ANO3: variants seen among roughly 807,000 people sequenced by gnomAD.
ANO3 encodes the protein anoctamin-3.
A neutral mutation model predicts 144.8 loss-of-function variants in ANO3; 99 were observed. That is an observed-to-expected ratio of 0.68 (90% CI 0.58 to 0.81). The LOEUF is 0.81. Among genes scored for constraint, ANO3 ranks in the 30% least tolerant of loss-of-function variants. The probability of loss-of-function intolerance (pLI) is 0.00; values close to 1 mark genes in which losing one functional copy is unlikely to be tolerated. For synonymous variants in ANO3, 414 were observed against 392.6 expected, an observed-to-expected ratio of 1.05 and a Z score of -0.64; for missense variants, 905 against 1,202.2, an observed-to-expected ratio of 0.75 and a Z score of 3.66.
chr11:26,230,535 G>A (rs556624078), intron 1 of ANO3, among the ~76,000 whole-genome samples: 6 of 151,890 alleles, frequency 4.0e-5, no homozygotes, highest in Admixed American at 1.3e-4. Context: ...GGTAGCTCAC[G>A]CCTGTAATCC....
intron 4 of ANO3, chr11:26,473,849 A>G (rs955373936): frequency 1.1e-6 from 1 of 883,844 alleles, no homozygotes; most frequent in Non-Finnish European, 1.4e-6. Flanking sequence ...CCTAAAATGA[A>G]ATTAATAAAA....
rs537656775 is a variant in ANO3, at chr11:26,225,780, A to G, written c.154+36450A>G. Among the ~76,000 whole-genome samples, 4 of 152,242 alleles carry G rather than the reference A, an allele frequency of 2.6e-5. No individual in the cohort carries two copies. The South Asian group carries it at 8.3e-4, about 32-fold the overall frequency. On this transcript the variant is annotated intron_variant, in intron 1 of 27. Transcript: ENST00000672621. Reference sequence around the variant, plus strand: ...TACTTTTCAAACATTTTTCTTCTCTAAGCACAAACTTCTGGAGTGAAGCAA... The same window carrying G: ...TACTTTTCAAACATTTTTCTTCTCTGAGCACAAACTTCTGGAGTGAAGCAA...
intron 1 of ANO3, among the ~76,000 whole-genome samples, chr11:26,399,828 C>T (rs1323662380): frequency 6.6e-6 from 1 of 151,950 alleles, no homozygotes; most frequent in Non-Finnish European, 1.5e-5. Context: ...GTCTTTCTCC[C>T]TGCCCTTTGT....
At chr11:26,233,647 G>C (rs1389538268) in intron 1 of ANO3, among the ~76,000 whole-genome samples, 1 of 152,154 alleles carries the variant, frequency 6.6e-6, no homozygotes, top group South Asian at 2.1e-4. Context: ...GCACACATAT[G>C]TTTATTGAAG....
At chr11:26,361,792 A>G (rs1239873609) in intron 1 of ANO3, among the ~76,000 whole-genome samples, 1 of 152,174 alleles carries the variant, frequency 6.6e-6, no homozygotes, top group East Asian at 1.9e-4. Context: ...TCTTTATTTA[A>G]GATTGTTACC....
chr11:26,621,221 A>G (rs1294319736), intron 17 of ANO3, among the ~76,000 whole-genome samples: 2 of 152,142 alleles, frequency 1.3e-5, no homozygotes, highest in African/African-American at 4.8e-5. Context: ...GAAGATGATG[A>G]AGTCTTAGCT....
intron 1 of ANO3, among the ~76,000 whole-genome samples, chr11:26,360,911 G>A (rs559449986): frequency 5.9e-5 from 9 of 152,150 alleles, no homozygotes; most frequent in Non-Finnish European, 1.0e-4. Flanking sequence ...CTGTTATTAC[G>A]TGGATAACCT....
At chr11:26,289,647 C>CATATAGAATAT (rs1378273095) in intron 1 of ANO3, among the ~76,000 whole-genome samples, 1 of 74,474 alleles carries the variant, frequency 1.3e-5, no homozygotes, top group Non-Finnish European at 2.3e-5. Flanking sequence ...CATATACACA[C>CATATAGAATAT]ATATATTCTA....
chr11:26,321,794 A>G (rs890572086), intron 1 of ANO3, among the ~76,000 whole-genome samples: 1 of 151,948 alleles, frequency 6.6e-6, no homozygotes. Flanking sequence ...AAAATTCCTT[A>G]GTGGTCAGGA....
chr11:26,520,976 T>G (rs948457958), intron 6 of ANO3, among the ~76,000 whole-genome samples: 2 of 152,072 alleles, frequency 1.3e-5, no homozygotes, highest in African/African-American at 2.4e-5. Context: ...GAGAAAAGAG[T>G]TTGAGAACTG....
chr11:26,566,209 T>C (rs1384384276), intron 14 of ANO3, among the ~76,000 whole-genome samples: 1 of 151,834 alleles, frequency 6.6e-6, no homozygotes, highest in Non-Finnish European at 1.5e-5. Flanking sequence ...ACCCACCCAC[T>C]CACACATACA....
At chr11:26,603,608 T>A (rs1009537107) in intron 17 of ANO3, among the ~76,000 whole-genome samples, 21 of 152,192 alleles carry the variant, frequency 1.4e-4, no homozygotes, top group Admixed American at 7.2e-4. Context: ...TTTAAGAACA[T>A]GAAATACAGT....
At chr11:26,565,212 A>T (rs1281641537) in intron 14 of ANO3, 1 of 1,510,982 alleles carries the variant, frequency 6.6e-7, no homozygotes, top group Non-Finnish European at 8.9e-7. Context: ...ATTATTGGTG[A>T]ATTTTAAGGT....
intron 1 of ANO3, among the ~76,000 whole-genome samples, chr11:26,322,848 TCTC>T (rs1191210213): frequency 6.6e-6 from 1 of 152,128 alleles, no homozygotes; most frequent in Non-Finnish European, 1.5e-5. Context: ...GAGTTATGCT[TCTC>T]CTCTTTTAGG....
chr11:26,348,208 A>G (rs1564976374), intron 1 of ANO3, among the ~76,000 whole-genome samples: 2 of 152,216 alleles, frequency 1.3e-5, no homozygotes, highest in African/African-American at 4.8e-5. Flanking sequence ...ATTATGCCTT[A>G]AATTCTTTAC....
At chr11:26,587,232 G>A (rs1046928999) in intron 14 of ANO3, among the ~76,000 whole-genome samples, 2 of 152,174 alleles carry the variant, frequency 1.3e-5, no homozygotes, top group Non-Finnish European at 2.9e-5. Context: ...TTAGGGCAGT[G>A]TAGAGCTTTA....
At chr11:26,201,437 ATTCTGCC>A in intron 1 of ANO3, among the ~76,000 whole-genome samples, 1 of 152,150 alleles carries the variant, frequency 6.6e-6, no homozygotes, top group Non-Finnish European at 1.5e-5. Flanking sequence ...GGTAGATTTT[ATTCTGCC>A]TTATGCCAGG....
chr11:26,642,810 T>C (rs372433155), intron 22 of ANO3, among the ~76,000 whole-genome samples: 1 of 146,480 alleles, frequency 6.8e-6, no homozygotes, highest in African/African-American at 2.5e-5. Flanking sequence ...TCTTCTTCTT[T>C]TTCCTCCTCC....
chr11:26,278,671 G>C (rs1456096547), intron 1 of ANO3, among the ~76,000 whole-genome samples: 1 of 152,010 alleles, frequency 6.6e-6, no homozygotes, highest in Admixed American at 6.6e-5. Context: ...TTCTACAGTG[G>C]ATAAAACTTC....
Sources: gnomAD v4.1 joint callset for allele counts (sites outside exome capture counted in the v4.1 genomes callset) on GRCh38, gnomAD v4.1.1 for gene constraint, MANE v1.5 for transcripts, NCBI Gene and HGNC (gene_info 2026-07-23, HGNC 2026-07-21) for gene names.